The following ESR1 variants were observed in gnomAD, a reference collection of about 807,000 sequenced individuals.
The protein encoded by ESR1 is estrogen receptor.
A neutral mutation model predicts 52.7 loss-of-function variants in ESR1; 12 were observed. The observed-to-expected ratio is 0.23, with a 90% CI of 0.15 to 0.37. The LOEUF (loss-of-function observed/expected upper bound fraction) is 0.37. Among genes scored for constraint, ESR1 ranks in the 10% least tolerant of loss-of-function variants. ESR1 has a pLI of 1.00. For missense variants in ESR1, 584 were observed against 779.7 expected, an observed-to-expected ratio of 0.75 and a Z score of 2.99; for synonymous variants, 305 against 316.8, an observed-to-expected ratio of 0.96 and a Z score of 0.39.
chr6:151,899,801 C>T (rs1482206545), intron 3 of ESR1, among the ~76,000 whole-genome samples: 2 of 148,704 alleles, frequency 1.3e-5, no homozygotes, highest in African/African-American at 2.5e-5. Flanking sequence ...AGACGATGGG[C>T]GGCAGGGCAG....
chr6:151,740,574 T>G (rs1046503109), intron 2 of ESR1, among the ~76,000 whole-genome samples: 9 of 152,122 alleles, frequency 5.9e-5, no homozygotes, highest in Non-Finnish European at 7.3e-5. Flanking sequence ...GCTTTTCTTT[T>G]GTTCTCTGGG....
rs1241500559 is a variant in ESR1, at chr6:152,098,237, G to A, written c.1554-495G>A. 7.9e-5 allele frequency among the ~76,000 whole-genome samples: 12 copies of A among 152,192 alleles called. No homozygotes were observed. The South Asian group carries it at 2.5e-3, about 32-fold the overall frequency. On this transcript the variant is annotated intron_variant, in intron 7 of 7. Coordinates refer to ENST00000206249, the MANE Select transcript of ESR1 (RefSeq NM_000125.4). This position sits in a 1 kb window ranked among gnomAD's most constrained non-coding sequence, Gnocchi z 5.1. ...CTTGTTGAACATGGAAAGGCATTTA[G>A]ATCGTATTCTGAGTTAAATGGGAAG...
At chr6:151,658,138 C>G (rs906500417) in intron 1 of ESR1, among the ~76,000 whole-genome samples, 2 of 152,208 alleles carry the variant, frequency 1.3e-5, no homozygotes, top group Non-Finnish European at 2.9e-5. Context: ...TGGACGTTAA[C>G]TGCAGCCCAC....
chr6:151,824,999 G>A (rs987490258), intron 1 of ESR1, among the ~76,000 whole-genome samples: 1 of 152,084 alleles, frequency 6.6e-6, no homozygotes, highest in Non-Finnish European at 1.5e-5. Flanking sequence ...AAGATCATGA[G>A]TATTATAAAA....
chr6:151,788,083 T>A (rs996137621), intron 2 of ESR1, among the ~76,000 whole-genome samples: 5 of 152,078 alleles, frequency 3.3e-5, no homozygotes, highest in African/African-American at 9.7e-5. Context: ...ACAAAAGCAA[T>A]TGCAACAAAA....
intron 5 of ESR1, among the ~76,000 whole-genome samples, chr6:152,026,954 A>G (rs2044193992): frequency 6.7e-6 from 1 of 148,330 alleles, no homozygotes; most frequent in South Asian, 2.2e-4. Context: ...AATAACTTCC[A>G]TGGCTATTCT....
chr6:151,980,617 C>T (rs2039900378), intron 4 of ESR1, among the ~76,000 whole-genome samples: 2 of 152,144 alleles, frequency 1.3e-5, no homozygotes, highest in African/African-American at 2.4e-5. Context: ...CCAGATTAGA[C>T]CAGCCATCTG....
chr6:151,882,757 TTC>T (rs954898911), intron 3 of ESR1, among the ~76,000 whole-genome samples: 5 of 150,124 alleles, frequency 3.3e-5, no homozygotes, highest in African/African-American at 1.0e-4. Flanking sequence ...ATAAAACCGA[TTC>T]TGTTTTTTTT....
intron 4 of ESR1, among the ~76,000 whole-genome samples, chr6:151,979,895 G>A (rs181753128): frequency 1.3e-3 from 198 of 152,188 alleles, no homozygotes; most frequent in African/African-American, 4.4e-3. Context: ...TTTGCTGTTG[G>A]TTTTTCAATA....
chr6:151,754,746 T>C (rs1003762204), intron 2 of ESR1, among the ~76,000 whole-genome samples: 6 of 152,310 alleles, frequency 3.9e-5, no homozygotes, highest in Non-Finnish European at 7.3e-5. Context: ...TCAAAACTGG[T>C]GCTCCTCAGA....
rs2050905233 is a variant in ESR1, at chr6:152,099,967, A to G, written c.*1001A>G. 1.0e-5 allele frequency: 4 copies of G among 398,938 alleles called. No individual in the cohort carries two copies. The highest frequency in any genetic ancestry group is 2.1e-5 in the African/African-American group (1 of 48,636). The allele number at this position is 398,938 out of a possible 1,614,324, so 24.7% of individuals were successfully genotyped here. A position where few individuals can be genotyped will look rare whatever the true frequency, so the allele number is the denominator to read the frequency against. ...GAGCAGGGGCCCTGGTGTTGCATTT[A>G]GCCCTGGGGCATGGAGCTGAACAGT... On this transcript the variant is annotated 3_prime_UTR_variant, in exon 8 of 8. Transcript: ENST00000206249.
At chr6:151,685,732 G>T (rs1169027399), upstream of ESR1, among the ~76,000 whole-genome samples, 1 of 152,102 alleles carries the variant, frequency 6.6e-6, no homozygotes, top group Non-Finnish European at 1.5e-5. Context: ...TGCTTCCTTT[G>T]TCACTCCTGT....
At chr6:151,830,003 T>C (rs1397067831) in intron 1 of ESR1, among the ~76,000 whole-genome samples, 1 of 152,128 alleles carries the variant, frequency 6.6e-6, no homozygotes, top group Non-Finnish European at 1.5e-5. Context: ...TCTGGACATG[T>C]GTGTGTGTGG....
chr6:151,943,033 C>T (rs916672305), intron 3 of ESR1, among the ~76,000 whole-genome samples: 2 of 152,050 alleles, frequency 1.3e-5, no homozygotes, highest in African/African-American at 4.8e-5. Flanking sequence ...AAGATTGGAT[C>T]CCCCCTCTTC....
chr6:151,891,964 G>C (rs1706007231), intron 3 of ESR1, among the ~76,000 whole-genome samples: 1 of 151,958 alleles, frequency 6.6e-6, no homozygotes, highest in Non-Finnish European at 1.5e-5. Context: ...TTTAAAAGGG[G>C]CATTTTTATC....
chr6:152,065,764 A>G (rs1464428375), intron 6 of ESR1, among the ~76,000 whole-genome samples: 1 of 151,964 alleles, frequency 6.6e-6, no homozygotes, highest in Non-Finnish European at 1.5e-5. Flanking sequence ...CTTCTGCATC[A>G]CTGTTCACAG....
intron 2 of ESR1, among the ~76,000 whole-genome samples, chr6:151,879,798 G>A (rs1004183740): frequency 6.6e-6 from 1 of 152,142 alleles, no homozygotes; most frequent in African/African-American, 2.4e-5. Flanking sequence ...GAGTTCTCCA[G>A]GTAGTCAGTC....
chr6:151,826,560 C>T (rs187264046), intron 1 of ESR1, among the ~76,000 whole-genome samples: 1 of 152,156 alleles, frequency 6.6e-6, no homozygotes, highest in Admixed American at 6.5e-5. Context: ...TGTTGACTTC[C>T]TAGGCACCAC....
At chr6:151,844,610 G>C (rs1052188863) in intron 2 of ESR1, among the ~76,000 whole-genome samples, 2 of 152,158 alleles carry the variant, frequency 1.3e-5, no homozygotes, top group African/African-American at 4.8e-5. Context: ...GTGATTATGT[G>C]CTAATAAAAC....
Sources: gnomAD v4.1 joint callset for allele counts (sites outside exome capture counted in the v4.1 genomes callset) on GRCh38, gnomAD v4.1.1 for gene constraint, Gnocchi (gnomAD v3.1) non-coding constraint, MANE v1.5 for transcripts, NCBI Gene and HGNC (gene_info 2026-07-23, HGNC 2026-07-21) for gene names.